MFSD1: variants seen among roughly 807,000 people sequenced by gnomAD.
MFSD1 encodes lysosomal dipeptide transporter MFSD1.
Under a neutral mutation model 67.1 loss-of-function variants are expected in MFSD1, and 59 were observed. The ratio of observed to expected loss-of-function variants is 0.88; its 90% CI spans 0.71 to 1.09. The LOEUF (loss-of-function observed/expected upper bound fraction) is 1.09. Among genes scored for constraint, MFSD1 ranks in the 50% least tolerant of loss-of-function variants. MFSD1 has a pLI of 0.00. For synonymous variants in MFSD1, 213 were observed against 200.3 expected (o/e 1.06, Z -0.54); for missense variants, 552 against 566.1 (o/e 0.97, Z 0.25).
Position 158,829,238 on chromosome 3 carries a change from A to C in MFSD1, c.*256A>C. Reference sequence around the variant, plus strand: ...AAGGGTTAGAAAATTGCTGTGGAACATCCAGGTGAACTTCAGGAAAGACAG... The same window carrying C: ...AAGGGTTAGAAAATTGCTGTGGAACCTCCAGGTGAACTTCAGGAAAGACAG... On this transcript the variant is annotated 3_prime_UTR_variant, in exon 16 of 16. Coordinates refer to ENST00000415822, the MANE Select transcript of MFSD1 (RefSeq NM_022736.4). The C allele has an allele frequency of 6.4e-6, 2 of 312,914 alleles. No homozygotes were observed. Among genetic ancestry groups the C allele is most frequent in the Non-Finnish European group, 1.2e-5 (2 of 173,032 alleles). 19.4% of individuals were successfully genotyped at this position (312,914 alleles called of 1,614,324 possible).
intron 11 of MFSD1, chr3:158,822,819 T>A (rs1265932608): frequency 6.5e-6 from 1 of 155,018 alleles, no homozygotes. Flanking sequence ...ATAACTTTAG[T>A]AATATACAAT....
intron 13 of MFSD1, 78 bp from the exon 14 acceptor site, chr3:158,825,932 AGCTTT>A (rs1730942747): frequency 9.4e-7 from 1 of 1,066,276 alleles, no homozygotes; most frequent in Non-Finnish European, 1.5e-6. Flanking sequence ...ATTGTGTCTA[AGCTTT>A]GCTTTGTGAT....
At position 158,821,651 on chromosome 3, in the gene MFSD1, C is replaced by T. The variant is rs767163393; in HGVS notation, c.918C>T (p.Asn306=). Reference sequence around the variant, plus strand: ...CTTCCCAGGCAGCAAGTGCAATTAACAGGTATTTTAAAATTAATTTTGTAA... The same window carrying T: ...CTTCCCAGGCAGCAAGTGCAATTAATAGGTATTTTAAAATTAATTTTGTAA... ...GFSSQAASAI[N]SVVYVISAPM... is the part of the protein sequence containing the mutation. The change falls in exon 10 of 16, where the codon AAC becomes AAT. Residue 306 remains asparagine (N), a splice_region_variant and synonymous_variant. Transcript: ENST00000415822. 15 of 1,605,806 alleles carry T rather than the reference C, an allele frequency of 9.3e-6. No individual in the cohort carries two copies. The East Asian group carries it at 3.1e-4, about 33-fold the overall frequency.
chr3:158,810,163 A>G (rs1729925951), intron 6 of MFSD1, among the ~76,000 whole-genome samples: 1 of 152,186 alleles, frequency 6.6e-6, no homozygotes, highest in African/African-American at 2.4e-5. Flanking sequence ...TAGTGAGACT[A>G]CAGATGTGTA....
At chr3:158,802,366 C>G in intron 1 of MFSD1, 51 bp downstream of exon 1, 6 of 1,602,088 alleles carry the variant, frequency 3.7e-6, no homozygotes, top group Non-Finnish European at 5.1e-6. Flanking sequence ...TCCCGACTTT[C>G]TCTTCGAGGT....
At chr3:158,807,704 T>C (rs1729798318) in intron 5 of MFSD1, among the ~76,000 whole-genome samples, 1 of 152,226 alleles carries the variant, frequency 6.6e-6, no homozygotes, top group African/African-American at 2.4e-5. Flanking sequence ...GGAAATGATA[T>C]TTTTCCCAGG....
At chr3:158,817,386 G>A (rs941080228) in intron 7 of MFSD1, among the ~76,000 whole-genome samples, 4 of 152,106 alleles carry the variant, frequency 2.6e-5, no homozygotes, top group African/African-American at 9.7e-5. Context: ...AAGCTGATAA[G>A]CAACTTCAGC....
rs754035861 is a variant in MFSD1 at position 158,814,087 on chromosome 3, C to T, written c.652+20C>T. On this transcript the variant is annotated intron_variant, in intron 7 of 15. Coordinates refer to ENST00000415822, the MANE Select transcript of MFSD1 (RefSeq NM_022736.4). ...TGATTGGTGAGTGAATCCCATGTCC[C>T]ACATCTCTCCTCTTCTGAAGGCTTG... 1 of 1,560,886 alleles carries T rather than the reference C, an allele frequency of 6.4e-7. No individual in the cohort carries two copies. Among genetic ancestry groups the T allele is most frequent in the South Asian group, 1.1e-5 (1 of 89,732 alleles).
Position 158,802,223 on chromosome 3 carries a change from C to T in MFSD1, c.71C>T (p.Pro24Leu). The T allele has an allele frequency of 6.2e-7, 1 of 1,610,688 alleles. No individual in the cohort carries two copies. Among genetic ancestry groups the T allele is most frequent in the Non-Finnish European group, 8.5e-7 (1 of 1,178,916 alleles). The change falls in exon 1 of 16, where the codon CCG becomes CTG. Residue 24 changes from proline to leucine, a missense_variant. By Grantham distance (98) the Pro-to-Leu change is moderately conservative. Transcript: ENST00000415822. Reference protein sequence around the residue: ...GGPDEADRGAPAAPGALPALC... With the variant: ...GGPDEADRGALAAPGALPALC... ...CCTGACGAGGCCGACAGAGGTGCCC[C>T]GGCCGCCCCTGGAGCCCTGCCGGCC...
intron 11 of MFSD1, 23 bp downstream of exon 11, chr3:158,822,163 G>A (rs757723341): frequency 6.9e-6 from 11 of 1,591,666 alleles, no homozygotes; most frequent in African/African-American, 1.3e-5. Context: ...TTAGCCCATG[G>A]TGGGGTCAGG....
intron 7 of MFSD1, among the ~76,000 whole-genome samples, chr3:158,817,762 A>G (rs1369747770): frequency 2.0e-5 from 3 of 152,184 alleles, no homozygotes; most frequent in African/African-American, 7.2e-5. Flanking sequence ...TAAAGTTCGT[A>G]TGGAACGAAA....
chr3:158,815,612 A>G (rs1730284563), intron 7 of MFSD1, among the ~76,000 whole-genome samples: 3 of 150,648 alleles, frequency 2.0e-5, no homozygotes, highest in African/African-American at 2.4e-5. Flanking sequence ...TTCTGTTTCT[A>G]TTTCCTTGTA....
At chr3:158,804,479 A>G (rs1559914099) in intron 2 of MFSD1, 108 bp downstream of exon 2, 8 of 794,770 alleles carry the variant, frequency 1.0e-5, no homozygotes, top group Non-Finnish European at 8.0e-6. Context: ...CGCTGAATCT[A>G]TTTTGACATC....
At chr3:158,814,873 G>A (rs1730237008) in intron 7 of MFSD1, among the ~76,000 whole-genome samples, 1 of 151,862 alleles carries the variant, frequency 6.6e-6, no homozygotes, top group Non-Finnish European at 1.5e-5. Flanking sequence ...ACCTGAGGTC[G>A]GGAGTTCTAG....
intron 6 of MFSD1, among the ~76,000 whole-genome samples, chr3:158,810,467 TATA>T: frequency 6.6e-6 from 1 of 152,358 alleles, no homozygotes; most frequent in African/African-American, 2.4e-5. Flanking sequence ...AATATTTTCA[TATA>T]ATACTTCATC....
At chr3:158,806,991 T>C (rs1729758395) in intron 3 of MFSD1, 49 bp from the exon 4 acceptor site, 1 of 1,503,034 alleles carries the variant, frequency 6.7e-7, no homozygotes, top group Non-Finnish European at 9.1e-7. Flanking sequence ...AATTAAGATT[T>C]TTTTTTTCTT....
intron 7 of MFSD1, among the ~76,000 whole-genome samples, chr3:158,818,762 T>C (rs1488982523): frequency 2.0e-5 from 3 of 152,194 alleles, no homozygotes; most frequent in Non-Finnish European, 1.5e-5. Context: ...ACTTAAAACC[T>C]CCTTTTTACT....
chr3:158,827,327 TC>T lies in MFSD1; in HGVS notation c.1387del (p.His463IlefsTer8). 1 of 1,545,452 alleles carries T rather than the reference TC, an allele frequency of 6.5e-7. No homozygotes were observed. Among genetic ancestry groups the T allele is most frequent in the Non-Finnish European group, 8.7e-7 (1 of 1,147,668 alleles). On this transcript the variant is annotated frameshift_variant, in exon 15 of 16. Coordinates refer to ENST00000415822, the MANE Select transcript of MFSD1 (RefSeq NM_022736.4). LOFTEE classifies it high-confidence loss of function. ...SARQREEIKF[S>X]HTE is the part of the protein sequence containing the mutation. ...AAGACAAAGGGAAGAAATAAAATTT[TC>T]CCATACTGAGTAAGTATTAAAAGGG...
chr3:158,802,240 C>G lies in MFSD1; in HGVS notation c.88C>G (p.Leu30Val). 3 of 1,611,390 alleles carry G rather than the reference C, an allele frequency of 1.9e-6. No homozygotes were observed. Among genetic ancestry groups the G allele is most frequent in the Non-Finnish European group, 2.5e-6 (3 of 1,178,872 alleles). Reference sequence around the variant, plus strand: ...AGGTGCCCCGGCCGCCCCTGGAGCCCTGCCGGCCCTCTGCGACCCCAGTCG... The same window carrying G: ...AGGTGCCCCGGCCGCCCCTGGAGCCGTGCCGGCCCTCTGCGACCCCAGTCG... ...DRGAPAAPGALPALCDPSRLA... is the reference protein window; with the variant it reads ...DRGAPAAPGAVPALCDPSRLA... The change falls in exon 1 of 16, where the codon CTG (leucine) becomes GTG (valine). Residue 30 changes from leucine (L) to valine (V), a missense_variant. Physicochemically the swap from Leu to Val is conservative, Grantham distance 32. Transcript: ENST00000415822.
Sources: allele counts gnomAD v4.1 joint callset (sites outside exome capture counted in the v4.1 genomes callset), GRCh38; gene constraint gnomAD v4.1.1; transcripts MANE v1.5; gene names NCBI Gene and HGNC (gene_info 2026-07-23, HGNC 2026-07-21).